The following PDE4D variants were observed in gnomAD, a reference collection of about 807,000 sequenced individuals.
PDE4D encodes phosphodiesterase 4D.
In PDE4D, 24 loss-of-function variants were observed where a neutral mutation model predicts 87.4. The observed-to-expected ratio is 0.27, with a 90% CI of 0.20 to 0.39. The LOEUF (loss-of-function observed/expected upper bound fraction) is 0.39. Ranked by LOEUF, PDE4D falls within the 10% of genes least tolerant of loss-of-function variation. The probability of loss-of-function intolerance (pLI) is 1.00; values close to 1 mark genes in which losing one functional copy is unlikely to be tolerated. For synonymous variants in PDE4D, 384 were observed against 383.2 expected, an observed-to-expected ratio of 1.00 and a Z score of -0.02; for missense variants, 714 against 1,041.0, an observed-to-expected ratio of 0.69 and a Z score of 4.32.
At chr5:59,787,178 A>G (rs992831213) in intron 1 of PDE4D, among the ~76,000 whole-genome samples, 4 of 152,104 alleles carry the variant, frequency 2.6e-5, no homozygotes, top group Non-Finnish European at 5.9e-5. Flanking sequence ...TTCTTCCTCT[A>G]TTTCATGGTA....
chr5:59,110,525 T>C (rs1488679260), intron 5 of PDE4D, among the ~76,000 whole-genome samples: 2 of 152,236 alleles, frequency 1.3e-5, no homozygotes, highest in African/African-American at 4.8e-5. Context: ...GATTATCTTA[T>C]TTAATCCTTA....
chr5:59,112,883 C>T (rs935983517), intron 5 of PDE4D, among the ~76,000 whole-genome samples: 3 of 151,188 alleles, frequency 2.0e-5, no homozygotes, highest in Admixed American at 6.6e-5. Context: ...TCACCACAAC[C>T]TCTGCCTCCC....
chr5:60,275,925 T>C (rs1448396258), intron 1 of PDE4D, among the ~76,000 whole-genome samples: 1 of 152,180 alleles, frequency 6.6e-6, no homozygotes, highest in Non-Finnish European at 1.5e-5. Flanking sequence ...AGTTTCTAAA[T>C]GTTTACAGAT....
intron 1 of PDE4D, among the ~76,000 whole-genome samples, chr5:59,408,494 A>C (rs926866642): frequency 6.6e-6 from 1 of 152,222 alleles, no homozygotes; most frequent in East Asian, 1.9e-4. Flanking sequence ...ATGGGATTGA[A>C]GCCCTGCCCA....
At chr5:59,640,043 A>G (rs1741311621) in intron 1 of PDE4D, among the ~76,000 whole-genome samples, 1 of 152,196 alleles carries the variant, frequency 6.6e-6, no homozygotes, top group Admixed American at 6.5e-5. Context: ...GCAAATATGG[A>G]AAAAGTTATT....
At chr5:60,225,174 A>G (rs1397204318) in intron 1 of PDE4D, among the ~76,000 whole-genome samples, 2 of 151,970 alleles carry the variant, frequency 1.3e-5, no homozygotes, top group Admixed American at 1.3e-4. Flanking sequence ...CAACATCTGC[A>G]TTTACTTCAT....
At chr5:59,781,893 C>T (rs1295422394) in intron 1 of PDE4D, among the ~76,000 whole-genome samples, 1 of 150,358 alleles carries the variant, frequency 6.7e-6, no homozygotes, top group Non-Finnish European at 1.5e-5. Context: ...TTTTAAGCTA[C>T]CAACGTTATA....
chr5:59,771,492 A>G (rs1452598101), intron 1 of PDE4D, among the ~76,000 whole-genome samples: 3 of 84,810 alleles, frequency 3.5e-5, no homozygotes, highest in Non-Finnish European at 4.9e-5. Context: ...AAAGAGAGAG[A>G]GAGAGAGAAG....
At chr5:59,083,026 G>A (rs903449787) in intron 5 of PDE4D, among the ~76,000 whole-genome samples, 2 of 152,062 alleles carry the variant, frequency 1.3e-5, no homozygotes, top group Non-Finnish European at 2.9e-5. Context: ...ATATCTTCGA[G>A]TAATACTTCC....
In PDE4D at chr5:59,756,575, A is replaced by T. The variant is rs186604154; in HGVS notation, c.455+136593T>A. ...AGTCATGGTGACAAAGTCCACACAAATGGTTAATCATTGAGTTCAAAGTTT... is the reference window on the plus strand; with the variant it reads ...AGTCATGGTGACAAAGTCCACACAATTGGTTAATCATTGAGTTCAAAGTTT... On this transcript the variant is annotated intron_variant, in intron 1 of 14. Coordinates refer to ENST00000340635, the MANE Select transcript of PDE4D (RefSeq NM_001104631.2). Among the ~76,000 whole-genome samples the T allele has an allele frequency of 2.9e-3, 429 of 150,006 alleles. 1 individual carries two copies. Among genetic ancestry groups the T allele is most frequent in the Non-Finnish European group, 4.7e-3 (318 of 67,256 alleles).
intron 1 of PDE4D, among the ~76,000 whole-genome samples, chr5:59,552,533 G>T (rs1289401181): frequency 6.6e-6 from 1 of 151,986 alleles, no homozygotes; most frequent in African/African-American, 2.4e-5. Context: ...TAACTAAGCT[G>T]ACTTTAATAG....
chr5:59,594,914 TAA>T (rs964926719), intron 1 of PDE4D, among the ~76,000 whole-genome samples: 3 of 151,106 alleles, frequency 2.0e-5, no homozygotes, highest in Non-Finnish European at 3.0e-5. Flanking sequence ...GGTTCAATTG[TAA>T]AAAAAAATGT....
intron 1 of PDE4D, among the ~76,000 whole-genome samples, chr5:59,237,112 ATT>A (rs1756610220): frequency 1.3e-5 from 2 of 152,154 alleles, no homozygotes; most frequent in Non-Finnish European, 2.9e-5. Context: ...TCATGAAATC[ATT>A]CTCACTTTTC....
chr5:59,053,445 G>T (rs1761846518), intron 5 of PDE4D, among the ~76,000 whole-genome samples: 1 of 150,666 alleles, frequency 6.6e-6, no homozygotes. Context: ...ATTATGTAAT[G>T]TGTAGACATT....
At chr5:59,472,900 CA>C (rs1210829922) in intron 1 of PDE4D, among the ~76,000 whole-genome samples, 2 of 151,910 alleles carry the variant, frequency 1.3e-5, no homozygotes, top group African/African-American at 4.8e-5. Flanking sequence ...GGGCTAAAAG[CA>C]GATTGTAGGA....
chr5:59,371,449 G>T (rs921753160), intron 1 of PDE4D, among the ~76,000 whole-genome samples: 3 of 152,166 alleles, frequency 2.0e-5, no homozygotes, highest in African/African-American at 7.2e-5. Flanking sequence ...CAGTATTCAA[G>T]ACACTGGCAT....
intron 1 of PDE4D, among the ~76,000 whole-genome samples, chr5:59,498,035 A>G (rs1807541723): frequency 1.3e-5 from 2 of 151,930 alleles, no homozygotes; most frequent in Non-Finnish European, 1.5e-5. Context: ...ATTTTTAAAG[A>G]AAAAAAATGC....
At chr5:59,509,133 T>C (rs182647630) in intron 1 of PDE4D, among the ~76,000 whole-genome samples, 8 of 151,934 alleles carry the variant, frequency 5.3e-5, no homozygotes, top group Non-Finnish European at 2.9e-5. Context: ...TAGAGTGAAA[T>C]TGCACAACAA....
intron 1 of PDE4D, among the ~76,000 whole-genome samples, chr5:59,717,364 T>C (rs298101): frequency 0.75 from 114,034 of 152,078 alleles, 42,869 homozygotes; most frequent in East Asian, 0.84. Context: ...AAGCTAAGCA[T>C]ATGGAGCACC....
Sources: allele counts gnomAD v4.1 joint callset (sites outside exome capture counted in the v4.1 genomes callset), GRCh38; gene constraint gnomAD v4.1.1; transcripts MANE v1.5; gene names NCBI Gene and HGNC (gene_info 2026-07-23, HGNC 2026-07-21).